The following CSMD1 variants were observed in gnomAD, a reference collection of about 807,000 sequenced individuals.
CSMD1 encodes the protein CUB and Sushi multiple domains 1.
A neutral mutation model predicts 417.5 loss-of-function variants in CSMD1; 213 were observed. That is an observed-to-expected ratio of 0.51 (90% confidence interval 0.46 to 0.57). The LOEUF (loss-of-function observed/expected upper bound fraction) is 0.57. Ranked by LOEUF, CSMD1 falls within the 20% of genes least tolerant of loss-of-function variation. CSMD1 has a pLI of 0.00. For missense variants in CSMD1, 6,923 were observed against 4,529.7 expected (o/e 1.53, Z -15.17); for synonymous variants, 2,862 against 1,736.8 (o/e 1.65, Z -16.11).
intron 1 of CSMD1, among the ~76,000 whole-genome samples, chr8:4,723,258 C>G (rs1197703036): frequency 6.6e-6 from 1 of 152,148 alleles, no homozygotes; most frequent in Admixed American, 6.6e-5. Flanking sequence ...TTCTTGCCAT[C>G]CCTTCACTTC....
At chr8:4,266,029 T>G (rs79993276) in intron 3 of CSMD1, among the ~76,000 whole-genome samples, 2,752 of 103,808 alleles carry the variant, frequency 0.027, 696 homozygotes, top group Middle Eastern at 0.059. Context: ...CCCACCGCAC[T>G]CAGGCTCGCC....
intron 2 of CSMD1, among the ~76,000 whole-genome samples, chr8:4,605,412 C>T (rs1469702942): frequency 6.6e-6 from 1 of 152,156 alleles, no homozygotes; most frequent in South Asian, 2.1e-4. Context: ...TGGAGGACCA[C>T]TCTGAACATA....
chr8:3,546,924 G>C (rs1483800718), intron 10 of CSMD1, among the ~76,000 whole-genome samples: 1 of 152,194 alleles, frequency 6.6e-6, no homozygotes, highest in South Asian at 2.1e-4. Context: ...AGTTTAGATG[G>C]AGGGAGGATA....
chr8:4,434,790 C>T (rs553211842), intron 2 of CSMD1, among the ~76,000 whole-genome samples: 3 of 152,264 alleles, frequency 2.0e-5, no homozygotes, highest in South Asian at 4.1e-4. Context: ...ACTCCAGACC[C>T]TGCACCGCCC....
Position 4,532,594 on chromosome 8 carries a change from G to C in CSMD1, c.302+104748C>G, listed in dbSNP as rs542749318. Reference sequence around the variant, plus strand: ...CCTGCACCCCCATTCAGTCACTCTGGAAGAGAAATCCTGCACCGCCATTCA... The same window carrying C: ...CCTGCACCCCCATTCAGTCACTCTGCAAGAGAAATCCTGCACCGCCATTCA... On this transcript the variant is annotated intron_variant, in intron 2 of 69. Transcript: ENST00000635120. Among the ~76,000 whole-genome samples the C allele has an allele frequency of 2.2e-5, 3 of 135,706 alleles. No individual in the cohort carries two copies. The South Asian group carries it at 7.3e-4, about 33-fold the overall frequency. The allele number at this position is 135,706 out of a possible 152,430, so 89.0% of individuals were successfully genotyped here.
intron 17 of CSMD1, among the ~76,000 whole-genome samples, chr8:3,393,093 G>A (rs536982133): frequency 6.6e-6 from 1 of 152,284 alleles, no homozygotes; most frequent in East Asian, 1.9e-4. Context: ...AATAAGAAGT[G>A]ATCCCAAGTC....
intron 8 of CSMD1, among the ~76,000 whole-genome samples, chr8:3,598,794 G>A (rs562241468): frequency 1.3e-5 from 2 of 152,204 alleles, no homozygotes; most frequent in South Asian, 4.1e-4. Flanking sequence ...CAGAAAAGCT[G>A]AAATTGGGCC....
At position 4,239,639 on chromosome 8, in the gene CSMD1, C is replaced by A. The variant is rs143698452; in HGVS notation, c.415+180314G>T. Among the ~76,000 whole-genome samples the A allele has an allele frequency of 9.7e-4, 147 of 152,302 alleles. 1 individual carries two copies. The South Asian group carries it at 0.015, about 15-fold the overall frequency. On this transcript the variant is annotated intron_variant, in intron 3 of 69. Transcript: ENST00000635120. ...TCCACCTAGAGAACCCAAACTGCTG[C>A]AGCCATGCTCGGGGTCACAGAGCAT...
In CSMD1 at chr8:4,536,866, G is replaced by C. The variant is rs79997727; in HGVS notation, c.302+100476C>G. Among the ~76,000 whole-genome samples the C allele has an allele frequency of 7.4e-4, 113 of 152,238 alleles. 1 individual carries two copies. The East Asian group carries it at 0.012, about 16-fold the overall frequency. On this transcript the variant is annotated intron_variant, in intron 2 of 69. Transcript: ENST00000635120. ...GTCACCTTTTGCATTTTGCACAATA[G>C]TGCATCAGAGTGCCAGTTTCTCCAG...
At chr8:4,665,355 A>G (rs1804853699) in intron 1 of CSMD1, among the ~76,000 whole-genome samples, 1 of 152,196 alleles carries the variant, frequency 6.6e-6, no homozygotes, top group South Asian at 2.1e-4. Context: ...CTAATTTCCA[A>G]AAAGTAAACC....
At chr8:3,935,671 T>G (rs543248276) in intron 5 of CSMD1, among the ~76,000 whole-genome samples, 1 of 152,278 alleles carries the variant, frequency 6.6e-6, no homozygotes, top group South Asian at 2.1e-4. Context: ...AATAAATGTG[T>G]GTGTTCTGAC....
chr8:3,055,176 C>T (rs2199279), intron 49 of CSMD1, among the ~76,000 whole-genome samples: 18,306 of 152,132 alleles, frequency 0.12, 1,393 homozygotes, highest in East Asian at 0.35. Flanking sequence ...CAGATGAAGC[C>T]CCATCACAAA....
chr8:4,173,363 G>A (rs910437811), intron 3 of CSMD1, among the ~76,000 whole-genome samples: 1 of 152,116 alleles, frequency 6.6e-6, no homozygotes, highest in East Asian at 1.9e-4. Flanking sequence ...TGGTGATGCT[G>A]AACAGAAGAT....
At position 3,481,676 on chromosome 8, in the gene CSMD1, G is replaced by C. The variant is rs144250504; in HGVS notation, c.1448+11947C>G. ...ACCACTAGTATCCATATAAGAGAGA[G>C]GCAGAGGGAGATTTCAGGCAGAGAA... is the stretch of plus-strand genomic sequence containing the variant. On this transcript the variant is annotated intron_variant, in intron 11 of 69. Coordinates refer to ENST00000635120, the MANE Select transcript of CSMD1 (RefSeq NM_033225.6). Among the ~76,000 whole-genome samples, 962 of 152,314 alleles carry C rather than the reference G, an allele frequency of 6.3e-3. 10 individuals carry two copies. Among genetic ancestry groups the C allele is most frequent in the African/African-American group, 0.021 (884 of 41,560 alleles).
At chr8:3,058,837 T>A (rs769616837) in intron 49 of CSMD1, among the ~76,000 whole-genome samples, 12 of 152,114 alleles carry the variant, frequency 7.9e-5, no homozygotes, top group Non-Finnish European at 1.5e-4. Context: ...CCCTGCTGAG[T>A]GTCCTAGCAG....
At chr8:4,648,974 C>A (rs1416676019) in intron 1 of CSMD1, among the ~76,000 whole-genome samples, 2 of 152,180 alleles carry the variant, frequency 1.3e-5, no homozygotes, top group Non-Finnish European at 2.9e-5. Context: ...TATCCTAGGG[C>A]CCTGGAGTAG....
chr8:4,158,542 G>T (rs1421622224), intron 3 of CSMD1, among the ~76,000 whole-genome samples: 4 of 152,134 alleles, frequency 2.6e-5, no homozygotes, highest in African/African-American at 4.8e-5. Context: ...TAACACAGCC[G>T]CTAGGTTGTG....
Position 3,693,767 on chromosome 8 carries a change from T to C in CSMD1, c.1009+14647A>G, listed in dbSNP as rs2129033840. Among the ~76,000 whole-genome samples the C allele has an allele frequency of 2.6e-5, 4 of 151,964 alleles. No homozygotes were observed. In the East Asian group the frequency reaches 7.7e-4, roughly 29 times the overall value. On this transcript the variant is annotated intron_variant, in intron 7 of 69. Coordinates refer to ENST00000635120, the MANE Select transcript of CSMD1 (RefSeq NM_033225.6). ...GTGTGTGTGTTGTATGTGTGTTTTG[T>C]GTGTATTGAATATAGATGTGTGTTG...
At position 3,688,053 on chromosome 8, in the gene CSMD1, A is replaced by C. The variant is rs139397647; in HGVS notation, c.1009+20361T>G. ...CGAAATGGATTGCTTTGCTCACTGC[A>C]TCTGCTTTTTGTTCCTCAGGAAGTT... On this transcript the variant is annotated intron_variant, in intron 7 of 69. Transcript: ENST00000635120. Among the ~76,000 whole-genome samples, 244 of 152,336 alleles carry C rather than the reference A, an allele frequency of 1.6e-3. 1 individual carries two copies. Among genetic ancestry groups the C allele is most frequent in the Non-Finnish European group, 2.5e-3 (170 of 68,032 alleles).
Sources: gnomAD v4.1 joint callset for allele counts (sites outside exome capture counted in the v4.1 genomes callset) on GRCh38, gnomAD v4.1.1 for gene constraint, MANE v1.5 for transcripts, NCBI Gene and HGNC (gene_info 2026-07-23, HGNC 2026-07-21) for gene names.